BLTP3A: variants seen among roughly 807,000 people sequenced by gnomAD.
BLTP3A encodes the protein bridge-like lipid transfer protein family member 3A.
the BLTP3A span, among the ~76,000 whole-genome samples, chr6:34,813,047 T>C: frequency 6.6e-6 from 1 of 152,058 alleles, no homozygotes; most frequent in Non-Finnish European, 1.5e-5. Context: ...ATGGAAAAAA[T>C]GGTGAAGGAA....
the BLTP3A span, among the ~76,000 whole-genome samples, chr6:34,812,541 G>A: frequency 6.6e-6 from 1 of 152,068 alleles, no homozygotes; most frequent in Non-Finnish European, 1.5e-5. Flanking sequence ...CACCATCGTA[G>A]CCCACTGCAC....
the BLTP3A span, among the ~76,000 whole-genome samples, chr6:34,859,773 G>A: frequency 1.3e-4 from 20 of 152,150 alleles, no homozygotes; most frequent in East Asian, 3.7e-3. Flanking sequence ...CTTTTTCACT[G>A]ATTCACTATT....
the BLTP3A span, among the ~76,000 whole-genome samples, chr6:34,869,077 C>T: frequency 1.9e-4 from 29 of 151,824 alleles, no homozygotes; most frequent in Non-Finnish European, 3.5e-4. Flanking sequence ...ACGAATTCGA[C>T]GTGCTGCAAC....
chr6:34,832,909 T>C, the BLTP3A span, among the ~76,000 whole-genome samples: 1 of 152,244 alleles, frequency 6.6e-6, no homozygotes, highest in Non-Finnish European at 1.5e-5. Context: ...AATATATATT[T>C]TTTTTCAGTT....
At chr6:34,830,692 C>A in the BLTP3A span, among the ~76,000 whole-genome samples, 3 of 152,010 alleles carry the variant, frequency 2.0e-5, no homozygotes, top group Admixed American at 6.6e-5. Flanking sequence ...CTGCTATGAA[C>A]CTTCTTGTGT....
At chr6:34,829,027 C>CAGAA in the BLTP3A span, among the ~76,000 whole-genome samples, 1 of 50,726 alleles carries the variant, frequency 2.0e-5, no homozygotes, top group South Asian at 1.1e-3. Flanking sequence ...AACTCCATCT[C>CAGAA]AAAAAAAAAA....
chr6:34,836,259 A>C, the BLTP3A span: 3 of 1,614,044 alleles, frequency 1.9e-6, no homozygotes, highest in African/African-American at 4.0e-5. Context: ...CAGTACTTTG[A>C]GAAATTTGAT....
At chr6:34,855,734 C>A in the BLTP3A span, 13 of 1,612,134 alleles carry the variant, frequency 8.1e-6, no homozygotes, top group African/African-American at 1.3e-5. Flanking sequence ...GGCCAATTCT[C>A]GCATAGCCCA....
the BLTP3A span, among the ~76,000 whole-genome samples, chr6:34,831,743 C>T: frequency 6.6e-6 from 1 of 152,154 alleles, no homozygotes; most frequent in Admixed American, 6.6e-5. Flanking sequence ...AAACTATTTT[C>T]CCCCTGCACT....
At chr6:34,836,303 C>G in the BLTP3A span, 1 of 1,614,174 alleles carries the variant, frequency 6.2e-7, no homozygotes, top group Non-Finnish European at 8.5e-7. Context: ...GCTCATCTCC[C>G]GCCTGGACCT....
the BLTP3A span, among the ~76,000 whole-genome samples, chr6:34,839,198 C>T: frequency 2.6e-4 from 39 of 152,108 alleles, no homozygotes; most frequent in South Asian, 3.1e-3. Flanking sequence ...TGCAGTGAGC[C>T]GAGATGGCGC....
chr6:34,872,289 T>G, the BLTP3A span: 3 of 1,591,662 alleles, frequency 1.9e-6, no homozygotes, highest in Non-Finnish European at 2.6e-6. Context: ...CGTATTTAAC[T>G]GTTAACTACT....
At chr6:34,821,582 G>A in the BLTP3A span, 125 of 1,399,996 alleles carry the variant, frequency 8.9e-5, no homozygotes, top group Non-Finnish European at 1.2e-4. Flanking sequence ...AGATTCAGAA[G>A]TGTTTTGGCT....
At chr6:34,872,433 C>A in the BLTP3A span, 1 of 1,607,058 alleles carries the variant, frequency 6.2e-7, no homozygotes, top group Admixed American at 1.7e-5. Flanking sequence ...CTTCTTTGAG[C>A]TCTGAAACCA....
the BLTP3A span, among the ~76,000 whole-genome samples, chr6:34,837,308 G>T: frequency 6.6e-6 from 1 of 152,196 alleles, no homozygotes; most frequent in African/African-American, 2.4e-5. Context: ...TTGGGAGGCT[G>T]AGGTGAGAGG....
the BLTP3A span, chr6:34,834,421 A>G: frequency 6.2e-7 from 1 of 1,611,778 alleles, no homozygotes. Flanking sequence ...CAGCCCCATC[A>G]TTGTGAAGGG....
the BLTP3A span, among the ~76,000 whole-genome samples, chr6:34,865,540 T>A: frequency 1.3e-5 from 2 of 152,234 alleles, no homozygotes; most frequent in Non-Finnish European, 2.9e-5. Flanking sequence ...CTTTTTTTCA[T>A]ATTCCTTGGA....
chr6:34,820,944 G>A, the BLTP3A span, among the ~76,000 whole-genome samples: 2 of 146,324 alleles, frequency 1.4e-5, no homozygotes, highest in African/African-American at 2.6e-5. Flanking sequence ...GAGCCACCAC[G>A]CCTGGCCCTC....
At chr6:34,792,805 C>G in the BLTP3A span, among the ~76,000 whole-genome samples, 2 of 152,180 alleles carry the variant, frequency 1.3e-5, no homozygotes, top group Non-Finnish European at 2.9e-5. Flanking sequence ...AATAACCCTG[C>G]TACCAGTCCT....
Sources: gnomAD v4.1 joint callset for allele counts (sites outside exome capture counted in the v4.1 genomes callset) on GRCh38, gnomAD v4.1.1 for gene constraint, MANE v1.5 for transcripts, NCBI Gene and HGNC (gene_info 2026-07-23, HGNC 2026-07-21) for gene names.